LYST: variants seen among roughly 807,000 people sequenced by gnomAD.
LYST encodes the protein lysosomal-trafficking regulator.
A neutral mutation model predicts 413.6 loss-of-function variants in LYST; 192 were observed. The observed-to-expected ratio is 0.46, with a 90% confidence interval of 0.41 to 0.52. The LOEUF is 0.52. Among genes scored for constraint, LYST ranks in the 20% least tolerant of loss-of-function variants. LYST has a pLI of 0.00. For synonymous variants in LYST, 1,525 were observed against 1,567.3 expected (o/e 0.97, Z 0.64); for missense variants, 3,815 against 4,499.9 (o/e 0.85, Z 4.35).
At chr1:235,871,985 T>G (rs1680944554) in intron 1 of LYST, among the ~76,000 whole-genome samples, 1 of 152,116 alleles carries the variant, frequency 6.6e-6, no homozygotes, top group African/African-American at 2.4e-5. Flanking sequence ...ATATACAAAT[T>G]TATTTAATCA....
At chr1:235,781,832 T>TG in intron 15 of LYST, 95 bp downstream of exon 15, 1 of 819,018 alleles carries the variant, frequency 1.2e-6, no homozygotes. Flanking sequence ...TTAATATTTG[T>TG]TAACTGAGAA....
chr1:235,828,823 A>C, intron 3 of LYST: 4 of 781,088 alleles, frequency 5.1e-6, no homozygotes, highest in Non-Finnish European at 6.2e-6. Flanking sequence ...TCTGATTTTA[A>C]ATTTTATTTA....
chr1:235,787,819 G>T (rs560621004), intron 13 of LYST, among the ~76,000 whole-genome samples: 1 of 152,034 alleles, frequency 6.6e-6, no homozygotes, highest in Admixed American at 6.6e-5. Flanking sequence ...TGTTTGTAAC[G>T]TTTACAAAGT....
Position 235,759,040 on chromosome 1 carries a change from A to T in LYST, c.6813T>A (p.Asp2271Glu). 1 of 1,614,126 alleles carries T rather than the reference A, an allele frequency of 6.2e-7. No individual in the cohort carries two copies. The highest frequency in any genetic ancestry group is 1.7e-5 in the Admixed American group (1 of 60,006). ...RWPSLVDRNT[D>E]DWENFAYSLG... ...GAGAATAGGCAAAGTTTTCCCAATC[A>T]TCAGTGTTTCTATCAACAAGACTTG... is the stretch of plus-strand genomic sequence containing the variant. The change falls in exon 23 of 53, where the codon GAT becomes GAA. Residue 2271 changes from aspartate (D) to glutamate (E), a missense_variant. Physicochemically the swap from Asp to Glu is conservative, Grantham distance 45 (BLOSUM62 2). This residue lies in a region of LYST where 771 missense variants were observed against 837.1 expected (regional missense o/e 0.92). Coordinates refer to ENST00000389793, the MANE Select transcript of LYST (RefSeq NM_000081.4).
chr1:235,699,394 A>G (rs766882273), intron 45 of LYST, among the ~76,000 whole-genome samples: 1 of 152,168 alleles, frequency 6.6e-6, no homozygotes, highest in Non-Finnish European at 1.5e-5. Flanking sequence ...AGCTTCATCC[A>G]TGTCCCTGCA....
intron 40 of LYST, among the ~76,000 whole-genome samples, chr1:235,719,988 C>A (rs775332711): frequency 6.6e-6 from 1 of 151,696 alleles, no homozygotes; most frequent in Non-Finnish European, 1.5e-5. Flanking sequence ...CCATCCTGGC[C>A]AACATGGTGA....
intron 1 of LYST, among the ~76,000 whole-genome samples, chr1:235,846,324 A>C (rs920494950): frequency 1.3e-5 from 2 of 152,156 alleles, no homozygotes; most frequent in African/African-American, 4.8e-5. Context: ...GAAAAGGAGG[A>C]GTATACTACA....
intron 47 of LYST, among the ~76,000 whole-genome samples, chr1:235,689,223 T>C (rs1407824093): frequency 1.3e-5 from 2 of 152,160 alleles, no homozygotes. Context: ...GGACTTGTGA[T>C]AGTGTTCTTT....
rs762892929 is a variant in LYST, at chr1:235,757,332, A to C, written c.7008T>G (p.Leu2336=). The change falls in exon 24 of 53, where the codon CTT becomes CTG. Residue 2336 remains leucine, a synonymous_variant. Coordinates refer to ENST00000389793, the MANE Select transcript of LYST (RefSeq NM_000081.4). Reference sequence around the variant, plus strand: ...GTGATGGGTGGTTAACGAGGACCAAAAGTGTATCTGCTTGAATAAGCTTGT... The same window carrying C: ...GTGATGGGTGGTTAACGAGGACCAACAGTGTATCTGCTTGAATAAGCTTGT... ...VMDKLIQADT[L]LVLVNHPSPA... 1 of 1,613,772 alleles carries C rather than the reference A, an allele frequency of 6.2e-7. No homozygotes were observed. The highest frequency in any genetic ancestry group is 1.7e-5 in the Admixed American group (1 of 60,000).
At position 235,709,098 on chromosome 1, in the gene LYST, T is replaced by C; in HGVS notation, c.10136A>G (p.His3379Arg). The change falls in exon 44 of 53, where the codon CAT (histidine) becomes CGT (arginine). Residue 3379 changes from histidine (H) to arginine (R), a missense_variant. Coordinates refer to ENST00000389793, the MANE Select transcript of LYST (RefSeq NM_000081.4). The part of the protein sequence containing the change: ...KASVQAINVF[H>R]PATYFGMDVS... ...TTTAAAAGAGTCACTTACAGCAGGA[T>C]GAAAAACATTGATCGCTTGAACAGA... 1 of 1,613,832 alleles carries C rather than the reference T, an allele frequency of 6.2e-7. No homozygotes were observed.
chr1:235,764,099 G>A (rs1667862978), intron 21 of LYST, among the ~76,000 whole-genome samples: 1 of 152,096 alleles, frequency 6.6e-6, no homozygotes, highest in African/African-American at 2.4e-5. Context: ...TCCCTGTCAA[G>A]CTGTTTCCTT....
At chr1:235,788,952 A>G (rs1325605038) in intron 12 of LYST, 107 bp from the exon 13 acceptor site, 4 of 982,032 alleles carry the variant, frequency 4.1e-6, no homozygotes, top group Non-Finnish European at 1.6e-6. Flanking sequence ...GTAGTAGGTT[A>G]TCTACCCAGA....
At chr1:235,746,660 G>A in intron 28 of LYST, 133 bp from the exon 29 acceptor site, 1 of 706,870 alleles carries the variant, frequency 1.4e-6, no homozygotes, top group Non-Finnish European at 2.5e-6. Flanking sequence ...TTATAGAAAG[G>A]AAAGAGTGAT....
intron 10 of LYST, among the ~76,000 whole-genome samples, chr1:235,794,056 C>A (rs1671309451): frequency 6.6e-6 from 1 of 152,130 alleles, no homozygotes; most frequent in South Asian, 2.1e-4. Flanking sequence ...TGGTCTCGAA[C>A]TCCTGACCTC....
intron 14 of LYST, among the ~76,000 whole-genome samples, 189 bp from the exon 15 acceptor site, chr1:235,782,276 C>G (rs905491011): frequency 6.6e-6 from 1 of 151,512 alleles, no homozygotes; most frequent in African/African-American, 2.4e-5. Context: ...TCACACCATT[C>G]TCCTGCCTCA....
intron 37 of LYST, among the ~76,000 whole-genome samples, chr1:235,729,219 C>A (rs180976309): frequency 6.6e-6 from 1 of 152,138 alleles, no homozygotes; most frequent in East Asian, 1.9e-4. Flanking sequence ...AAATTATGGA[C>A]AATCTTAAAA....
intron 1 of LYST, among the ~76,000 whole-genome samples, chr1:235,879,801 A>G (rs182570678): frequency 6.6e-6 from 1 of 151,798 alleles, no homozygotes; most frequent in African/African-American, 2.4e-5. Context: ...CAGTGGCACA[A>G]TTTTGGCTCA....
chr1:235,823,856 T>C (rs1235220177), intron 3 of LYST, among the ~76,000 whole-genome samples: 1 of 152,234 alleles, frequency 6.6e-6, no homozygotes, highest in Non-Finnish European at 1.5e-5. Flanking sequence ...CACTGTTTTG[T>C]CATCATTTAT....
At chr1:235,691,395 G>T (rs1378671071) in intron 47 of LYST, among the ~76,000 whole-genome samples, 1 of 152,218 alleles carries the variant, frequency 6.6e-6, no homozygotes, top group Non-Finnish European at 1.5e-5. Flanking sequence ...CACTAACAAA[G>T]ATCACAGGGC....
Sources: allele counts gnomAD v4.1 joint callset (sites outside exome capture counted in the v4.1 genomes callset), GRCh38; gene constraint gnomAD v4.1.1; regional missense constraint gnomAD v4.1.1; transcripts MANE v1.5; gene names NCBI Gene and HGNC (gene_info 2026-07-23, HGNC 2026-07-21).